Variants in PCDHGA4 observed in about 807,000 individuals in gnomAD.
PCDHGA4 encodes the protein protocadherin gamma-A4.
In PCDHGA4, 38 loss-of-function variants were observed where a neutral mutation model predicts 54.6. That is an observed-to-expected ratio of 0.70 (90% CI 0.54 to 0.91). The LOEUF is 0.91. Ranked by LOEUF, PCDHGA4 falls within the 40% of genes least tolerant of loss-of-function variation. PCDHGA4 has a pLI of 0.00. For synonymous variants in PCDHGA4, 511 were observed against 512.9 expected (o/e 1.00, Z 0.05); for missense variants, 1,298 against 1,220.9 (o/e 1.06, Z -0.94).
intron 1 of PCDHGA4, chr5:141,393,065 G>C (rs980151183): frequency 6.2e-7 from 1 of 1,613,646 alleles, no homozygotes; most frequent in African/African-American, 1.3e-5. Context: ...GCGGCAGCTT[G>C]ATCACCGCGG....
intron 1 of PCDHGA4, chr5:141,423,381 G>T (rs2154550114): frequency 6.2e-7 from 1 of 1,614,204 alleles, no homozygotes; most frequent in East Asian, 2.2e-5. Flanking sequence ...TCAGGCTGTG[G>T]CGCTGGCATA....
chr5:141,398,545 C>T (rs774657005), intron 1 of PCDHGA4: 2 of 1,613,768 alleles, frequency 1.2e-6, no homozygotes, highest in Non-Finnish European at 1.7e-6. Flanking sequence ...TTCCTTTGAG[C>T]TGCAAATAAG....
At chr5:141,422,724 G>T (rs560544401) in intron 1 of PCDHGA4, 3 of 1,606,016 alleles carry the variant, frequency 1.9e-6, no homozygotes, top group Admixed American at 3.3e-5. Context: ...CTGTCCAGGG[G>T]GTGCCTCTGT....
Position 141,356,741 on chromosome 5 carries a change from T to C in PCDHGA4, c.1634T>C (p.Leu545Pro). 6.2e-7 allele frequency: 1 copy of C among 1,614,006 alleles called. No homozygotes were observed. The highest frequency in any genetic ancestry group is 8.5e-7 in the Non-Finnish European group (1 of 1,179,878). ...YVSINSNTGI[L>P]YALCSFDYEQ... ...TCCATCAACTCCAATACAGGGATCCTATATGCTCTTTGCTCCTTCGACTAT... is the reference window on the plus strand; with the variant it reads ...TCCATCAACTCCAATACAGGGATCCCATATGCTCTTTGCTCCTTCGACTAT... Residue 545 changes from leucine to proline, a missense_variant, in exon 1 of 4, where the codon CTA becomes CCA. Coordinates refer to ENST00000571252, the MANE Select transcript of PCDHGA4 (RefSeq NM_018917.4).
At position 141,381,826 on chromosome 5, in the gene PCDHGA4, CTTT is replaced by C. The variant is rs770630741; in HGVS notation, c.2514+24225_2514+24227del. Among the ~76,000 whole-genome samples the C allele has an allele frequency of 8.4e-3, 625 of 74,256 alleles. 6 individuals are homozygous for C. Among genetic ancestry groups the C allele is most frequent in the African/African-American group, 0.035 (569 of 16,164 alleles). 48.7% of individuals were successfully genotyped at this position (74,256 alleles called of 152,430 possible). On this transcript the variant is annotated intron_variant, in intron 1 of 3. Transcript: ENST00000571252. ...TTTCTTTCTTTCTTTCTTTCTTCTT[CTTT>C]TTTTTTTTTTTTTTTTTTTGGCAGA...
At chr5:141,470,872 T>TTTTTTG (rs900302332) in intron 1 of PCDHGA4, among the ~76,000 whole-genome samples, 2 of 151,814 alleles carry the variant, frequency 1.3e-5, no homozygotes, top group Admixed American at 1.3e-4. Context: ...GTTTGTTTGT[T>TTTTTTG]TTTTTGTTTT....
intron 1 of PCDHGA4, chr5:141,409,394 T>C: frequency 1.9e-6 from 3 of 1,614,008 alleles, no homozygotes; most frequent in Non-Finnish European, 2.5e-6. Flanking sequence ...TTATTCTTCT[T>C]CCAATAACTA....
intron 1 of PCDHGA4, chr5:141,365,631 C>A: frequency 1.9e-6 from 3 of 1,613,644 alleles, no homozygotes; most frequent in Non-Finnish European, 2.5e-6. Context: ...CCCCTCTCTA[C>A]AGAAAGCCAC....
In PCDHGA4 at chr5:141,512,859, CAT is replaced by C. The variant is rs1474518602; in HGVS notation, c.*1688_*1689del. 6.6e-6 allele frequency: 1 copy of C among 152,296 alleles called. No homozygotes were observed. The highest frequency in any genetic ancestry group is 1.9e-4 in the East Asian group (1 of 5,200). The allele number at this position is 152,296 out of a possible 1,614,324, so 9.4% of individuals were successfully genotyped here. A position where few individuals can be genotyped will look rare whatever the true frequency, so the allele number is the denominator to read the frequency against. On this transcript the variant is annotated 3_prime_UTR_variant, in exon 4 of 4. Transcript: ENST00000571252. ...CTTCTCCTATAAGCGCTTCTCTTCG[CAT>C]AGTCACGTAGCTCCCACCCCACCCT... is the stretch of plus-strand genomic sequence containing the variant.
At position 141,384,450 on chromosome 5, in the gene PCDHGA4, G is replaced by A. The variant is rs756281053; in HGVS notation, c.2514+26829G>A. On this transcript the variant is annotated intron_variant, in intron 1 of 3. Coordinates refer to ENST00000571252, the MANE Select transcript of PCDHGA4 (RefSeq NM_018917.4). ...CTGACACTGGAGTCCTGTACGCGCT[G>A]CAATCCTTTGATTATGAGCAGTTGA... is the stretch of plus-strand genomic sequence containing the variant. 4 of 1,614,040 alleles carry A rather than the reference G, an allele frequency of 2.5e-6. No homozygotes were observed. In the Admixed American group the frequency reaches 6.7e-5, roughly 27 times the overall value.
In PCDHGA4 at chr5:141,365,249, C is replaced by T. The variant is rs1445885867; in HGVS notation, c.2514+7628C>T. On this transcript the variant is annotated intron_variant, in intron 1 of 3. Coordinates refer to ENST00000571252, the MANE Select transcript of PCDHGA4 (RefSeq NM_018917.4). ...GGGGGAAATCTCAACTCTACAATCACTGGACTATGAAGAATCCAGATTCTA... is the reference window on the plus strand; with the variant it reads ...GGGGGAAATCTCAACTCTACAATCATTGGACTATGAAGAATCCAGATTCTA... The T allele has an allele frequency of 2.5e-6, 4 of 1,613,860 alleles. No individual in the cohort carries two copies. In the East Asian group the frequency reaches 8.9e-5, roughly 36 times the overall value.
At chr5:141,467,736 G>T (rs1435480730) in intron 1 of PCDHGA4, among the ~76,000 whole-genome samples, 1 of 151,902 alleles carries the variant, frequency 6.6e-6, no homozygotes, top group Admixed American at 6.6e-5. Context: ...ATCCCAGCTC[G>T]CTGCAACCTC....
chr5:141,511,003 G>T lies in PCDHGA4; in HGVS notation c.2719G>T (p.Ala907Ser), dbSNP rs114669158. ...GGGAGTMGLS[A>S]RYGPQFTLQH... The stretch of plus-strand genomic sequence containing the variant: ...GGGTGCCGGCACCATGGGATTGAGC[G>T]CCCGCTACGGACCCCAGTTCACCCT... Residue 907 changes from alanine to serine, a missense_variant, in exon 4 of 4, where the codon GCC (alanine) becomes TCC (serine). Coordinates refer to ENST00000571252, the MANE Select transcript of PCDHGA4 (RefSeq NM_018917.4). 2 of 1,614,032 alleles carry T rather than the reference G, an allele frequency of 1.2e-6. No individual in the cohort carries two copies. Among genetic ancestry groups the T allele is most frequent in the Non-Finnish European group, 1.7e-6 (2 of 1,180,020 alleles).
At position 141,403,415 on chromosome 5, in the gene PCDHGA4, C is replaced by T. The variant is rs770058522; in HGVS notation, c.2514+45794C>T. 6.8e-6 allele frequency: 11 copies of T among 1,614,046 alleles called. No individual in the cohort carries two copies. The South Asian group carries it at 1.2e-4, about 18-fold the overall frequency. ...GGTTCCTGGAGCACGTTATCCACTT[C>T]CAGAAGCTATTGATCCGGATGTTGG... On this transcript the variant is annotated intron_variant, in intron 1 of 3. Coordinates refer to ENST00000571252, the MANE Select transcript of PCDHGA4 (RefSeq NM_018917.4).
chr5:141,432,538 G>C lies in PCDHGA4; in HGVS notation c.2515-62269G>C, dbSNP rs200601557. The C allele has an allele frequency of 2.5e-5, 40 of 1,614,026 alleles. No individual in the cohort carries two copies. The highest frequency in any genetic ancestry group is 1.5e-4 in the Admixed American group (9 of 60,032). On this transcript the variant is annotated intron_variant, in intron 1 of 3. Coordinates refer to ENST00000571252, the MANE Select transcript of PCDHGA4 (RefSeq NM_018917.4). This position sits in a 1 kb window ranked among gnomAD's most constrained non-coding sequence, Gnocchi z 6.0. ...GCTACCTGGTGACCAAGGTGGTGGC[G>C]GTGGACAGAGACTCCGGCCAGAACG...
At chr5:141,413,352 G>T in intron 1 of PCDHGA4, 11 of 1,613,976 alleles carry the variant, frequency 6.8e-6, no homozygotes, top group Non-Finnish European at 9.3e-6. Flanking sequence ...TGGGTCTGGC[G>T]CCCCGGGAGC....
intron 1 of PCDHGA4, among the ~76,000 whole-genome samples, chr5:141,443,191 A>G (rs2098371862): frequency 6.6e-6 from 1 of 152,122 alleles, no homozygotes; most frequent in Non-Finnish European, 1.5e-5. Flanking sequence ...CATTCTCTAT[A>G]GTACAAAGAG....
chr5:141,457,337 TTAC>T (rs1446765287), intron 1 of PCDHGA4, among the ~76,000 whole-genome samples: 2 of 152,202 alleles, frequency 1.3e-5, no homozygotes, highest in Non-Finnish European at 2.9e-5. Flanking sequence ...GGTACCTTAC[TTAC>T]TTTCATTACC....
rs559316235 is a variant in PCDHGA4, at chr5:141,398,652, C to T, written c.2514+41031C>T. 27 of 1,613,990 alleles carry T rather than the reference C, an allele frequency of 1.7e-5. No homozygotes were observed. The East Asian group carries it at 5.1e-4, about 31-fold the overall frequency. ...TGCAGAAGTATAAACTCTCTCTTAA[C>T]CCAAGTTTCTCATTAATAATTAAGG... On this transcript the variant is annotated intron_variant, in intron 1 of 3. Coordinates refer to ENST00000571252, the MANE Select transcript of PCDHGA4 (RefSeq NM_018917.4).
Sources: gnomAD v4.1 joint callset for allele counts (sites outside exome capture counted in the v4.1 genomes callset) on GRCh38, gnomAD v4.1.1 for gene constraint, Gnocchi (gnomAD v3.1) non-coding constraint, MANE v1.5 for transcripts, NCBI Gene and HGNC (gene_info 2026-07-23, HGNC 2026-07-21) for gene names.